The following CASK variants were observed in gnomAD, a reference collection of about 807,000 sequenced individuals.
CASK encodes calcium/calmodulin dependent serine protein kinase, also known as peripheral plasma membrane protein CASK.
In CASK, 4 loss-of-function variants were observed where a neutral mutation model predicts 82.9. The observed-to-expected ratio is 0.05, with a 90% CI of 0.02 to 0.11. CASK has a LOEUF of 0.11. Among genes scored for constraint, CASK ranks in the 10% least tolerant of loss-of-function variants. The pLI is 1.00. For synonymous variants in CASK, 259 were observed against 253.5 expected, an observed-to-expected ratio of 1.02 and a Z score of -0.20; for missense variants, 358 against 720.9, an observed-to-expected ratio of 0.50 and a Z score of 5.76.
At chrX:41,606,354 C>G (rs946919346) in intron 12 of CASK, among the ~76,000 whole-genome samples, 1 of 112,292 alleles carries the variant, frequency 8.9e-6, no homozygotes, top group Non-Finnish European at 1.9e-5. Context: ...CAATCTCCAC[C>G]TCCTGGGTTC....
intron 3 of CASK, among the ~76,000 whole-genome samples, chrX:41,781,291 A>C (rs1042599535): frequency 8.9e-6 from 1 of 112,037 alleles, no homozygotes; most frequent in Non-Finnish European, 1.9e-5. Context: ...CGGGCCATAT[A>C]ATTTCATGAC....
intron 3 of CASK, among the ~76,000 whole-genome samples, chrX:41,746,496 C>T (rs1236490288): frequency 9.0e-6 from 1 of 110,920 alleles, no homozygotes; most frequent in African/African-American, 3.3e-5. Flanking sequence ...ACATTTAGCA[C>T]ATACAAACAC....
chrX:41,697,850 G>A (rs1352456272), intron 5 of CASK: 2 of 108,954 alleles, frequency 1.8e-5, no homozygotes, highest in African/African-American at 6.7e-5. Flanking sequence ...TGCCCAGGCT[G>A]GAGTGCAGTG....
intron 1 of CASK, among the ~76,000 whole-genome samples, chrX:41,921,407 A>C (rs1475270230): frequency 1.8e-5 from 2 of 112,163 alleles, no homozygotes; most frequent in Non-Finnish European, 3.8e-5. Context: ...ACATGTTGAA[A>C]TGTTAAGTTT....
chrX:41,827,691 T>A (rs1381311902), intron 2 of CASK, among the ~76,000 whole-genome samples: 3 of 112,217 alleles, frequency 2.7e-5, no homozygotes. Flanking sequence ...AAAATTTATT[T>A]TATCAGCCAC....
At chrX:41,922,793 A>G (rs1447248848) in intron 1 of CASK, 137 bp downstream of exon 1, 1 of 563,421 alleles carries the variant, frequency 1.8e-6, no homozygotes, top group Non-Finnish European at 3.0e-6. Context: ...GTCTATAAAT[A>G]CTCCAGGATG....
At chrX:41,565,798 A>G (rs950343264) in intron 16 of CASK, among the ~76,000 whole-genome samples, 17 of 111,758 alleles carry the variant, frequency 1.5e-4, no homozygotes, top group African/African-American at 5.5e-4. Flanking sequence ...AGAATTTTAG[A>G]CCAATACCCC....
intron 2 of CASK, among the ~76,000 whole-genome samples, chrX:41,847,237 A>G (rs141884540): frequency 1.0e-3 from 115 of 111,226 alleles, no homozygotes; most frequent in African/African-American, 3.6e-3. Context: ...CTCATTATGC[A>G]TATGTTGGTA....
At chrX:41,893,774 A>G (rs1169271375) in intron 1 of CASK, among the ~76,000 whole-genome samples, 1 of 112,596 alleles carries the variant, frequency 8.9e-6, no homozygotes. Flanking sequence ...CTTAAAAATA[A>G]AAACAAGAAT....
At chrX:41,598,134 G>GACACACAC (rs757204318) in intron 12 of CASK, among the ~76,000 whole-genome samples, 4 of 99,920 alleles carry the variant, frequency 4.0e-5, no homozygotes, top group African/African-American at 1.5e-4. Flanking sequence ...CTGAGGCCCT[G>GACACACAC]ACACACACAC....
At chrX:41,562,046 T>A (rs927175940) in intron 16 of CASK, 4 of 132,539 alleles carry the variant, frequency 3.0e-5, no homozygotes, top group African/African-American at 1.3e-4. Context: ...ATGAAAATAG[T>A]ACCCATCTCA....
chrX:41,555,369 T>C (rs1384977793), intron 20 of CASK, among the ~76,000 whole-genome samples: 1 of 111,839 alleles, frequency 8.9e-6, no homozygotes, highest in Non-Finnish European at 1.9e-5. Context: ...TAACCATTAA[T>C]ATAAAATTAT....
chrX:41,899,978 ATC>A (rs958457952), intron 1 of CASK, among the ~76,000 whole-genome samples: 17 of 110,253 alleles, frequency 1.5e-4, no homozygotes, highest in Non-Finnish European at 2.3e-4. Flanking sequence ...GGAAGTCTTT[ATC>A]TCTACTTCAT....
rs185288938 is a variant in CASK, at chrX:41,578,147, C to T, written c.1503+193G>A. 2.4e-3 allele frequency among the ~76,000 whole-genome samples: 262 copies of T among 111,014 alleles called. 1 individual carries two copies. The highest frequency in any genetic ancestry group is 5.3e-3 in the Admixed American group (55 of 10,407). ...AGAGGTGAGAAAGAGAACCGGAATG[C>T]CTAAGACAGTTTCAGGCAGAACAAT... On this transcript the variant is annotated intron_variant, in intron 15 of 26. Transcript: ENST00000378163.
intron 1 of CASK, among the ~76,000 whole-genome samples, chrX:41,879,679 G>C (rs192844543): frequency 2.7e-5 from 3 of 111,599 alleles, no homozygotes; most frequent in Admixed American, 9.5e-5. Context: ...AAAAGTATTC[G>C]TAAGCATTCA....
chrX:41,601,904 C>A (rs959429755), intron 12 of CASK, among the ~76,000 whole-genome samples: 4 of 111,231 alleles, frequency 3.6e-5, no homozygotes, highest in African/African-American at 1.3e-4. Context: ...AAAAGACTAT[C>A]CCCCTTTCCA....
chrX:41,534,871 T>C (rs769722658), intron 23 of CASK, 22 bp downstream of exon 23: 35 of 1,155,609 alleles, frequency 3.0e-5, no homozygotes, highest in Non-Finnish European at 3.9e-5. Context: ...AATAAGCAAC[T>C]CACTTACACA....
intron 2 of CASK, among the ~76,000 whole-genome samples, chrX:41,809,387 G>A (rs894553979): frequency 4.1e-4 from 46 of 112,052 alleles, no homozygotes; most frequent in African/African-American, 1.5e-3. Flanking sequence ...CCTCTGAGAC[G>A]AAGCTTCCAG....
chrX:41,710,922 T>G (rs1057353406), intron 5 of CASK, among the ~76,000 whole-genome samples: 3 of 112,048 alleles, frequency 2.7e-5, no homozygotes, highest in African/African-American at 9.7e-5. Context: ...GTTTCCCAGA[T>G]GGTGGTGCCT....
Sources: gnomAD v4.1 joint callset for allele counts (sites outside exome capture counted in the v4.1 genomes callset) on GRCh38, gnomAD v4.1.1 for gene constraint, MANE v1.5 for transcripts, NCBI Gene and HGNC (gene_info 2026-07-23, HGNC 2026-07-21) for gene names.